ERC1: variants seen among roughly 807,000 people sequenced by gnomAD.
ERC1 encodes the protein ELKS/RAB6-interacting/CAST family member 1.
In ERC1, 56 loss-of-function variants were observed where a neutral mutation model predicts 132.0. That is an observed-to-expected ratio of 0.42 (90% CI 0.34 to 0.53). The LOEUF is 0.53. Ranked by LOEUF, ERC1 falls within the 20% of genes least tolerant of loss-of-function variation. The probability of loss-of-function intolerance (pLI) is 0.03; values close to 1 mark genes in which losing one functional copy is unlikely to be tolerated. For synonymous variants in ERC1, 478 were observed against 476.1 expected (o/e 1.00, Z -0.05); for missense variants, 1,202 against 1,349.9 (o/e 0.89, Z 1.72).
intron 17 of ERC1, chr12:1,444,304 GT>G: frequency 3.1e-6 from 1 of 319,836 alleles, no homozygotes; most frequent in Non-Finnish European, 5.7e-6. Flanking sequence ...ATACAGAGCT[GT>G]CCGTCTGGTG....
Position 1,180,308 on chromosome 12 carries a change from TAC to T in ERC1, c.1738-228_1738-227del, listed in dbSNP as rs1267749709. ...GCGCGCACGCGTGTGCGCGCGCGCA[TAC>T]ACATGTGTACTTTTTTTTGTTTTGC... On this transcript the variant is annotated intron_variant, in intron 8 of 18. Transcript: ENST00000360905. 3.4e-4 allele frequency among the ~76,000 whole-genome samples: 51 copies of T among 149,578 alleles called. 2 individuals carry two copies. The highest frequency in any genetic ancestry group is 3.3e-3 in the Admixed American group (50 of 15,066).
chr12:1,369,563 C>T lies in ERC1; in HGVS notation c.2781-2270C>T, dbSNP rs140416160. Among the ~76,000 whole-genome samples, 659 of 152,302 alleles carry T rather than the reference C, an allele frequency of 4.3e-3. 10 individuals are homozygous for T. Among genetic ancestry groups the T allele is most frequent in the African/African-American group, 0.015 (628 of 41,568 alleles). On this transcript the variant is annotated intron_variant, in intron 15 of 18. Transcript: ENST00000360905. ...GCACCCTTATTGGGAAAGCATGCTG[C>T]CTCTTCCAGCTTGGTCAGTCTTTGA...
chr12:1,122,559 ATCTCTATCTGTG>A lies in ERC1; in HGVS notation c.1569+6536_1569+6547del, dbSNP rs1361371401. ...TATCTCTATCTGTGTCTCTATCTCT[ATCTCTATCTGTG>A]TCTCTATCTCTATCTCTATCTCTAT... On this transcript the variant is annotated intron_variant, in intron 7 of 18. Transcript: ENST00000360905. Among the ~76,000 whole-genome samples the A allele has an allele frequency of 5.6e-4, 16 of 28,734 alleles. 6 individuals are homozygous for A. The highest frequency in any genetic ancestry group is 1.6e-3 in the African/African-American group (14 of 8,862). The allele number at this position is 28,734 out of a possible 152,430, so 18.9% of individuals were successfully genotyped here. A position where few individuals can be genotyped will look rare whatever the true frequency, so the allele number is the denominator to read the frequency against.
chr12:1,035,325 G>T (rs1030757139), intron 2 of ERC1, among the ~76,000 whole-genome samples: 2 of 152,192 alleles, frequency 1.3e-5, no homozygotes, highest in Non-Finnish European at 2.9e-5. Flanking sequence ...GGACCATAGA[G>T]ATCTTGTTCT....
intron 2 of ERC1, among the ~76,000 whole-genome samples, chr12:1,035,282 G>A (rs997512189): frequency 2.0e-5 from 3 of 152,182 alleles, no homozygotes; most frequent in Non-Finnish European, 4.4e-5. Flanking sequence ...TGAGACTGGG[G>A]ATTTAGGTCC....
intron 15 of ERC1, among the ~76,000 whole-genome samples, chr12:1,310,387 T>G (rs1362630796): frequency 6.6e-6 from 1 of 152,100 alleles, no homozygotes; most frequent in Non-Finnish European, 1.5e-5. Flanking sequence ...TTTTGTATTT[T>G]TAGTAGAGAT....
Position 1,371,804 on chromosome 12 carries a change from G to A in ERC1, c.2781-29G>A, listed in dbSNP as rs772767691. ...AAAGAATTGTTGGAAGGGGTGAATG[G>A]CGCTGTTGGCATTTGCTTTCTTTTG... On this transcript the variant is annotated intron_variant, in intron 15 of 18. Transcript: ENST00000360905. The A allele has an allele frequency of 2.1e-5, 34 of 1,608,128 alleles. No homozygotes were observed. In the South Asian group the frequency reaches 3.8e-4, roughly 18 times the overall value.
chr12:1,189,872 C>A lies in ERC1; in HGVS notation c.2171C>A (p.Ala724Glu). The A allele has an allele frequency of 6.2e-7, 1 of 1,605,792 alleles. No individual in the cohort carries two copies. The highest frequency in any genetic ancestry group is 1.1e-5 in the South Asian group (1 of 90,246). Residue 724 changes from alanine to glutamate, a missense_variant, in exon 12 of 19, where the codon GCA (alanine) becomes GAA (glutamate). Coordinates refer to ENST00000360905, the MANE Select transcript of ERC1 (RefSeq NM_178040.4). ...ESQLKKAHEA[A>E]LEARASPEMS... ...TTTTCTTTGTAGGCACATGAGGCAGCATTGGAAGCCAGAGCCAGTCCAGAG... is the reference window on the plus strand; with the variant it reads ...TTTTCTTTGTAGGCACATGAGGCAGAATTGGAAGCCAGAGCCAGTCCAGAG...
At chr12:1,326,962 G>A (rs955757282) in intron 15 of ERC1, among the ~76,000 whole-genome samples, 1 of 151,702 alleles carries the variant, frequency 6.6e-6, no homozygotes, top group African/African-American at 2.4e-5. Flanking sequence ...CTAGAACTGA[G>A]GTATTTCAGT....
chr12:1,318,838 C>G (rs999454284), intron 15 of ERC1, among the ~76,000 whole-genome samples: 1 of 151,796 alleles, frequency 6.6e-6, no homozygotes, highest in African/African-American at 2.4e-5. Context: ...CTCGGTGAGG[C>G]CTCCACAGAG....
intron 12 of ERC1, among the ~76,000 whole-genome samples, chr12:1,234,490 T>C (rs2075281605): frequency 6.6e-6 from 1 of 152,246 alleles, no homozygotes; most frequent in South Asian, 2.1e-4. Flanking sequence ...ATGAAGTTTT[T>C]CCCAAACTGA....
intron 1 of ERC1, among the ~76,000 whole-genome samples, chr12:1,022,314 T>A (rs1165214229): frequency 6.6e-6 from 1 of 152,252 alleles, no homozygotes; most frequent in Non-Finnish European, 1.5e-5. Flanking sequence ...CTTGTTGCAT[T>A]ACAATTACTT....
At chr12:1,105,560 T>C (rs1454604101) in intron 4 of ERC1, among the ~76,000 whole-genome samples, 1 of 152,094 alleles carries the variant, frequency 6.6e-6, no homozygotes, top group Non-Finnish European at 1.5e-5. Flanking sequence ...GGTTTCACCG[T>C]GTTAGCCAGG....
intron 17 of ERC1, among the ~76,000 whole-genome samples, chr12:1,412,847 T>C (rs944402656): frequency 6.6e-6 from 1 of 152,242 alleles, no homozygotes; most frequent in African/African-American, 2.4e-5. Flanking sequence ...GTTGTCATCA[T>C]TAACTTAGAT....
At chr12:1,026,281 A>G (rs1291600481) in intron 1 of ERC1, among the ~76,000 whole-genome samples, 1 of 152,184 alleles carries the variant, frequency 6.6e-6, no homozygotes, top group African/African-American at 2.4e-5. Context: ...AGAACAGTAG[A>G]GGGGAAACTG....
At chr12:1,402,522 CA>C (rs201054465) in intron 16 of ERC1, among the ~76,000 whole-genome samples, 2 of 148,426 alleles carry the variant, frequency 1.3e-5, no homozygotes, top group South Asian at 4.3e-4. Context: ...GAGACTGTCT[CA>C]AAAAAAAGAA....
At chr12:1,259,031 T>C (rs549079858) in intron 13 of ERC1, among the ~76,000 whole-genome samples, 1 of 152,360 alleles carries the variant, frequency 6.6e-6, no homozygotes, top group East Asian at 1.9e-4. Context: ...TAGATCCCTA[T>C]TGATTTCTTC....
In ERC1 at chr12:1,028,078, A is replaced by G; in HGVS notation, c.175A>G (p.Ile59Val). ...GSGKTLSMEN[I>V]QSLNAAYATS... ...TGGGAAAACCCTTTCAATGGAAAAT[A>G]TACAATCTTTAAATGCTGCCTATGC... Residue 59 changes from isoleucine (I) to valine (V), a missense_variant, in exon 2 of 19, where the codon ATA becomes GTA. Ile to Val is a conservative substitution (Grantham distance 29). Coordinates refer to ENST00000360905, the MANE Select transcript of ERC1 (RefSeq NM_178040.4). 2.5e-6 allele frequency: 4 copies of G among 1,614,186 alleles called. No homozygotes were observed. The highest frequency in any genetic ancestry group is 3.4e-6 in the Non-Finnish European group (4 of 1,180,038).
chr12:1,010,163 A>G (rs1187422915), intron 1 of ERC1, among the ~76,000 whole-genome samples: 1 of 152,160 alleles, frequency 6.6e-6, no homozygotes, highest in African/African-American at 2.4e-5. Flanking sequence ...AGGGGAGGAA[A>G]ATGGACTTTT....
Sources: allele counts gnomAD v4.1 joint callset (sites outside exome capture counted in the v4.1 genomes callset), GRCh38; gene constraint gnomAD v4.1.1; transcripts MANE v1.5; gene names NCBI Gene and HGNC (gene_info 2026-07-23, HGNC 2026-07-21).